The following PLEKHG1 variants were observed in gnomAD, a reference collection of about 807,000 sequenced individuals.
PLEKHG1 encodes pleckstrin homology domain-containing family G member 1.
In PLEKHG1, 44 loss-of-function variants were observed where a neutral mutation model predicts 100.8. The ratio of observed to expected loss-of-function variants is 0.44; its 90% CI spans 0.34 to 0.56. The LOEUF (loss-of-function observed/expected upper bound fraction) is 0.56. Ranked by LOEUF, PLEKHG1 falls within the 20% of genes least tolerant of loss-of-function variation. The pLI is 0.01. For missense variants in PLEKHG1, 1,545 were observed against 1,720.9 expected (o/e 0.90, Z 1.81); for synonymous variants, 640 against 662.5 (o/e 0.97, Z 0.52).
At position 150,683,818 on chromosome 6, in the gene PLEKHG1, G is replaced by T. The variant is rs1203561299; in HGVS notation, c.-99+33032G>T. ...CAGGAAACTGCTGCCTGGACAAATC[G>T]TGTTCTGGGCCAAAGCATCACAGGC... is the stretch of plus-strand genomic sequence containing the variant. On this transcript the variant is annotated intron_variant, in intron 3 of 3. Coordinates refer to the PLEKHG1 transcript ENST00000367326. The surrounding 1 kb of genome is among the most constrained non-coding windows in gnomAD (Gnocchi z 4.0). 1 of 1,288,712 alleles carries T rather than the reference G, an allele frequency of 7.8e-7. No homozygotes were observed. Among genetic ancestry groups the T allele is most frequent in the Admixed American group, 2.3e-5 (1 of 43,430 alleles). 79.8% of individuals were successfully genotyped at this position (1,288,712 alleles called of 1,614,324 possible).
chr6:150,828,827 C>T (rs1297313406), intron 14 of PLEKHG1, among the ~76,000 whole-genome samples: 1 of 151,892 alleles, frequency 6.6e-6, no homozygotes, highest in Admixed American at 6.6e-5. Context: ...TTACTGGGTG[C>T]CTATATTTTT....
exon 16 of PLEKHG1, chr6:150,840,933 T>C: frequency 6.7e-7 from 1 of 1,488,346 alleles, no homozygotes; most frequent in Non-Finnish European, 9.3e-7. Context: ...AACTTCTTAT[T>C]TTGCTCATAA....
intron 7 of PLEKHG1, 72 bp from the exon 9 acceptor site, chr6:150,809,033 C>G (rs1787320859): frequency 1.5e-6 from 2 of 1,347,930 alleles, no homozygotes; most frequent in Non-Finnish European, 1.0e-6. Flanking sequence ...TGAGGCTCAA[C>G]AGATGGGCCA....
chr6:150,679,649 T>C (rs1318359810), intron 3 of PLEKHG1, among the ~76,000 whole-genome samples: 3 of 152,220 alleles, frequency 2.0e-5, no homozygotes, highest in African/African-American at 7.2e-5. Context: ...TCAGCAAGCA[T>C]TCGTTGAGTA....
intron 3 of PLEKHG1, chr6:150,687,003 C>A (rs914055114): frequency 1.3e-5 from 2 of 152,648 alleles, no homozygotes; most frequent in South Asian, 4.1e-4. Context: ...ATGTTTGACA[C>A]CTTGATGTGA....
At chr6:150,828,412 T>G (rs1776735234) in intron 14 of PLEKHG1, 2 of 1,556,194 alleles carry the variant, frequency 1.3e-6, no homozygotes, top group South Asian at 2.4e-5. Flanking sequence ...CATGCCGAAC[T>G]TTCTTGTGAC....
intron 3 of PLEKHG1, among the ~76,000 whole-genome samples, chr6:150,778,290 G>A (rs1315945009): frequency 6.6e-6 from 1 of 152,170 alleles, no homozygotes; most frequent in African/African-American, 2.4e-5. Flanking sequence ...ATCACGCCTG[G>A]CTAATTTTTG....
At chr6:150,779,714 C>G (rs564166326) in intron 3 of PLEKHG1, among the ~76,000 whole-genome samples, 1 of 151,854 alleles carries the variant, frequency 6.6e-6, no homozygotes, top group South Asian at 2.1e-4. Context: ...CGCCCGTATT[C>G]CCAGCACTTT....
intron 2 of PLEKHG1, among the ~76,000 whole-genome samples, chr6:150,644,350 T>TTTTTTTTTTG (rs1562405103): frequency 2.0e-5 from 3 of 148,684 alleles, no homozygotes; most frequent in Non-Finnish European, 4.5e-5. Context: ...TTTTTTTTTT[T>TTTTTTTTTTG]TTGTTACAGA....
chr6:150,809,925 G>T (rs1787390931), intron 10 of PLEKHG1, among the ~76,000 whole-genome samples, 191 bp downstream of exon 11: 1 of 150,176 alleles, frequency 6.7e-6, no homozygotes, highest in Non-Finnish European at 1.5e-5. Context: ...ATTAGAATCT[G>T]GGAGTGACAA....
At chr6:150,700,449 C>G (rs1310058692) in intron 3 of PLEKHG1, among the ~76,000 whole-genome samples, 2 of 152,144 alleles carry the variant, frequency 1.3e-5, no homozygotes, top group African/African-American at 4.8e-5. Context: ...TCTGGGGGGA[C>G]TCCCATGCTA....
intron 1 of PLEKHG1, among the ~76,000 whole-genome samples, chr6:150,732,856 G>A (rs1424048249): frequency 1.3e-5 from 2 of 152,194 alleles, no homozygotes; most frequent in Non-Finnish European, 2.9e-5. Context: ...CAAAGTGCTG[G>A]GATTTACAGG....
chr6:150,655,253 A>C (rs919810147), intron 3 of PLEKHG1, among the ~76,000 whole-genome samples: 2 of 152,220 alleles, frequency 1.3e-5, no homozygotes, highest in Non-Finnish European at 2.9e-5. Flanking sequence ...AGCCAGAAAT[A>C]CTATTTGATC....
intron 3 of PLEKHG1, among the ~76,000 whole-genome samples, chr6:150,780,300 G>C (rs1785239024): frequency 6.6e-6 from 1 of 151,764 alleles, no homozygotes; most frequent in Non-Finnish European, 1.5e-5. Context: ...ATTTTTAGTA[G>C]AGACAGGGTT....
At position 150,840,906 on chromosome 6, in the gene PLEKHG1, T is replaced by C. The variant is rs767059544; in HGVS notation, c.*10T>C. ...AAGCAGCTTTGCTTAAGGTTCTTCA[T>C]AATAACTGCTTGAATCAACTTCTTA... On this transcript the variant is annotated 3_prime_UTR_variant, in exon 16 of 16. Coordinates refer to ENST00000358517, the Ensembl canonical transcript of PLEKHG1. 6 of 1,571,116 alleles carry C rather than the reference T, an allele frequency of 3.8e-6. No individual in the cohort carries two copies. The Admixed American group carries it at 1.0e-4, about 27-fold the overall frequency.
At chr6:150,653,438 C>CA (rs941516607) in intron 3 of PLEKHG1, among the ~76,000 whole-genome samples, 61 of 146,646 alleles carry the variant, frequency 4.2e-4, no homozygotes, top group East Asian at 1.4e-3. Flanking sequence ...ATTTGAATGC[C>CA]AAAAAAAAAA....
intron 3 of PLEKHG1, among the ~76,000 whole-genome samples, chr6:150,701,176 C>G (rs1304025980): frequency 3.3e-5 from 5 of 151,002 alleles, no homozygotes; most frequent in African/African-American, 9.7e-5. Context: ...AAAAATTAGC[C>G]AGGTGTGGTG....
rs562262758 is a variant in PLEKHG1, at chr6:150,821,085, G to C, written c.1409-110G>C. On this transcript the variant is annotated intron_variant, in intron 12 of 15. Transcript: ENST00000358517. ...GGATTTTGTTAAATTTGATACAAAAGTTATAGAGCTCTGTTAATCTGTCAA... is the reference window on the plus strand; with the variant it reads ...GGATTTTGTTAAATTTGATACAAAACTTATAGAGCTCTGTTAATCTGTCAA... 1.5e-4 allele frequency: 124 copies of C among 805,170 alleles called. 2 individuals are homozygous for C. Among genetic ancestry groups the C allele is most frequent in the South Asian group, 5.4e-4 (34 of 63,384 alleles). The allele number at this position is 805,170 out of a possible 1,614,324, so 49.9% of individuals were successfully genotyped here. A position where few individuals can be genotyped will look rare whatever the true frequency, so the allele number is the denominator to read the frequency against.
chr6:150,697,885 T>C (rs1167751625), intron 3 of PLEKHG1, among the ~76,000 whole-genome samples: 1 of 152,134 alleles, frequency 6.6e-6, no homozygotes, highest in African/African-American at 2.4e-5. Context: ...AAGAATCTGC[T>C]TAAGAGTTTC....
Sources: gnomAD v4.1 joint callset for allele counts (sites outside exome capture counted in the v4.1 genomes callset) on GRCh38, gnomAD v4.1.1 for gene constraint, Gnocchi (gnomAD v3.1) non-coding constraint, MANE v1.5 for transcripts, NCBI Gene and HGNC (gene_info 2026-07-23, HGNC 2026-07-21) for gene names.